The following DHRSX variants were observed in gnomAD, a reference collection of about 807,000 sequenced individuals.
DHRSX encodes dehydrogenase/reductase X-linked.
A neutral mutation model predicts 34.0 loss-of-function variants in DHRSX; 31 were observed. The observed-to-expected ratio is 0.91, with a 90% CI of 0.69 to 1.23. The LOEUF is 1.23. DHRSX is among the 50% of genes most tolerant of loss of function. The pLI, the probability that DHRSX is intolerant of heterozygous loss-of-function variation, is 0.00. For missense variants in DHRSX, 414 were observed against 428.1 expected (o/e 0.97, Z 0.29); for synonymous variants, 201 against 183.8 (o/e 1.09, Z -0.76).
chrX:2,468,693 C>T (rs1306533951), intron 1 of DHRSX, among the ~76,000 whole-genome samples: 2 of 149,298 alleles, frequency 1.3e-5, no homozygotes, highest in Admixed American at 6.7e-5. Flanking sequence ...ACACTGAAGA[C>T]GCTCCCAAAG....
At chrX:2,489,736 G>A in intron 1 of DHRSX, 1 of 1,613,236 alleles carries the variant, frequency 6.2e-7, no homozygotes, top group Non-Finnish European at 8.5e-7. Flanking sequence ...GCATGTACAT[G>A]GCCACGGCAG....
intron 3 of DHRSX, among the ~76,000 whole-genome samples, chrX:2,307,024 G>T (rs2042106474): frequency 6.7e-6 from 1 of 149,664 alleles, no homozygotes. Context: ...ATTTCTTCCT[G>T]ATTCAATCTT....
intron 3 of DHRSX, among the ~76,000 whole-genome samples, chrX:2,303,869 GTGGA>G (rs1327067543): frequency 9.2e-6 from 1 of 108,272 alleles, no homozygotes; most frequent in African/African-American, 3.9e-5. Flanking sequence ...GGGTGGATGG[GTGGA>G]TGGGTGGATG....
chrX:2,467,835 A>T (rs2124692216), intron 1 of DHRSX, among the ~76,000 whole-genome samples: 1 of 151,958 alleles, frequency 6.6e-6, no homozygotes, highest in African/African-American at 2.4e-5. Context: ...TTAGCCAGGC[A>T]TGGTGGTGCA....
At chrX:2,482,572 A>G (rs2044790639) in intron 1 of DHRSX, among the ~76,000 whole-genome samples, 1 of 152,136 alleles carries the variant, frequency 6.6e-6, no homozygotes, top group South Asian at 2.1e-4. Context: ...GTCTCATACC[A>G]TTTTTGTATC....
chrX:2,264,204 C>T (rs2041405218), intron 5 of DHRSX, among the ~76,000 whole-genome samples: 1 of 152,170 alleles, frequency 6.6e-6, no homozygotes, highest in Admixed American at 6.5e-5. Context: ...GCACCATTTC[C>T]AGAGCACATG....
chrX:2,401,310 C>T (rs922470534), intron 3 of DHRSX, among the ~76,000 whole-genome samples: 7 of 152,028 alleles, frequency 4.6e-5, no homozygotes, highest in East Asian at 1.9e-4. Context: ...GGGGTTTCAC[C>T]GTGTTGGCCA....
chrX:2,478,177 A>AGGAATGAATGCG (rs1229313830), intron 1 of DHRSX, among the ~76,000 whole-genome samples: 1 of 152,150 alleles, frequency 6.6e-6, no homozygotes, highest in Non-Finnish European at 1.5e-5. Flanking sequence ...GGGCAGGAGA[A>AGGAATGAATGCG]GGAATGAATG....
intron 1 of DHRSX, among the ~76,000 whole-genome samples, chrX:2,479,536 C>T (rs1336002695): frequency 2.7e-5 from 4 of 148,718 alleles, no homozygotes; most frequent in Non-Finnish European, 4.5e-5. Context: ...ACCAGGGGAC[C>T]GCCACATGTG....
chrX:2,282,570 A>G (rs865969217), intron 4 of DHRSX, among the ~76,000 whole-genome samples: 2 of 99,586 alleles, frequency 2.0e-5, no homozygotes, highest in African/African-American at 5.8e-5. Flanking sequence ...GCGAGAGGGA[A>G]ACAGAAAGGG....
At chrX:2,297,917 G>A (rs1346814995) in intron 3 of DHRSX, among the ~76,000 whole-genome samples, 8 of 151,776 alleles carry the variant, frequency 5.3e-5, no homozygotes, top group Non-Finnish European at 1.0e-4. Flanking sequence ...CACCACGCCC[G>A]GCTTATTTTT....
In DHRSX at chrX:2,391,930, G is replaced by GA. The variant is rs756898967; in HGVS notation, c.286+16814dup. 2.6e-3 allele frequency among the ~76,000 whole-genome samples: 396 copies of GA among 149,670 alleles called. 1 individual carries two copies. The highest frequency in any genetic ancestry group is 6.8e-3 in the Middle Eastern group (2 of 292). The stretch of plus-strand genomic sequence containing the variant: ...TGACAGAGCGAAATTCCGACTAAAA[G>GA]AAAAAAAAAGGAAAGAAATTCAAGA... On this transcript the variant is annotated intron_variant, in intron 3 of 6. Transcript: ENST00000334651.
intron 3 of DHRSX, among the ~76,000 whole-genome samples, chrX:2,317,008 A>T (rs763123610): frequency 6.6e-6 from 1 of 152,228 alleles, no homozygotes; most frequent in East Asian, 1.9e-4. Context: ...CCCAGGCTGG[A>T]GTGCAATGGC....
intron 6 of DHRSX, among the ~76,000 whole-genome samples, chrX:2,232,250 T>G (rs1414762246): frequency 1.3e-5 from 2 of 152,096 alleles, no homozygotes; most frequent in African/African-American, 4.8e-5. Context: ...TTTCTAAAAG[T>G]CTTCCTCTGA....
rs1192595221 is a variant in DHRSX, at chrX:2,314,433, G to GAGA, written c.287-22831_287-22830insTCT. 5.4e-4 allele frequency among the ~76,000 whole-genome samples: 53 copies of GAGA among 98,020 alleles called. 1 individual carries two copies. Among genetic ancestry groups the GAGA allele is most frequent in the Middle Eastern group, 5.7e-3 (1 of 176 alleles). The allele number at this position is 98,020 out of a possible 152,430, so 64.3% of individuals were successfully genotyped here. ...GGGAGGGAAGGAAGGAAGGGGAGAA[G>GAGA]GGAGGAAGGAAGGGGAGAAGGGAGG... is the stretch of plus-strand genomic sequence containing the variant. On this transcript the variant is annotated intron_variant, in intron 3 of 6. Coordinates refer to ENST00000334651, the MANE Select transcript of DHRSX (RefSeq NM_145177.3).
At chrX:2,246,744 G>GAAAGAA in intron 5 of DHRSX, among the ~76,000 whole-genome samples, 1 of 108,122 alleles carries the variant, frequency 9.2e-6, no homozygotes, top group African/African-American at 2.8e-5. Context: ...AAGAAAGAAA[G>GAAAGAA]AAAGAAAAAG....
At chrX:2,357,768 C>CTACA (rs748347817) in intron 3 of DHRSX, among the ~76,000 whole-genome samples, 4 of 150,728 alleles carry the variant, frequency 2.7e-5, no homozygotes, top group Non-Finnish European at 5.9e-5. Flanking sequence ...CACACACACA[C>CTACA]TACAGCAAGC....
At chrX:2,489,320 A>C in intron 1 of DHRSX, 1 of 1,613,446 alleles carries the variant, frequency 6.2e-7, no homozygotes, top group South Asian at 1.1e-5. Flanking sequence ...GTTGAGAAAC[A>C]TGTCGATCTC....
At chrX:2,333,569 TCTGC>T (rs1288518501) in intron 3 of DHRSX, among the ~76,000 whole-genome samples, 3 of 152,092 alleles carry the variant, frequency 2.0e-5, no homozygotes, top group Admixed American at 6.6e-5. Flanking sequence ...TGCCTGCTAC[TCTGC>T]CTGGCTAATT....
Sources: gnomAD v4.1 joint callset for allele counts (sites outside exome capture counted in the v4.1 genomes callset) on GRCh38, gnomAD v4.1.1 for gene constraint, MANE v1.5 for transcripts, NCBI Gene and HGNC (gene_info 2026-07-23, HGNC 2026-07-21) for gene names.